The following NUDCD3 variants were observed in gnomAD, a reference collection of about 807,000 sequenced individuals.
NUDCD3 encodes NudC domain containing 3, also known as nudC domain-containing protein 3.
In NUDCD3, 13 loss-of-function variants were observed where a neutral mutation model predicts 39.7. The ratio of observed to expected loss-of-function variants is 0.33; its 90% CI spans 0.21 to 0.52. NUDCD3 has a LOEUF of 0.52. NUDCD3 is among the 20% of genes least tolerant of loss of function. NUDCD3 has a pLI of 0.96. For missense variants in NUDCD3, 453 were observed against 458.1 expected (o/e 0.99, Z 0.10); for synonymous variants, 175 against 172.4 (o/e 1.02, Z -0.12).
At chr7:44,409,979 G>A (rs1216830222) in intron 3 of NUDCD3, among the ~76,000 whole-genome samples, 6 of 152,014 alleles carry the variant, frequency 3.9e-5, no homozygotes, top group Admixed American at 2.6e-4. Context: ...GGTCAATTGA[G>A]ATTACCCAAA....
intron 4 of NUDCD3, among the ~76,000 whole-genome samples, chr7:44,396,548 A>G (rs1045985711): frequency 6.6e-6 from 1 of 151,948 alleles, no homozygotes; most frequent in Admixed American, 6.6e-5. Flanking sequence ...TCTCACTCTG[A>G]GCTGCAGATC....
At chr7:44,467,376 C>T (rs756774434) in intron 2 of NUDCD3, among the ~76,000 whole-genome samples, 4 of 152,150 alleles carry the variant, frequency 2.6e-5, no homozygotes, top group Non-Finnish European at 5.9e-5. Context: ...TAGTGGGTGG[C>T]CAGAAAGAAG....
chr7:44,469,613 T>C (rs1326898188), intron 2 of NUDCD3, among the ~76,000 whole-genome samples: 1 of 152,152 alleles, frequency 6.6e-6, no homozygotes, highest in Non-Finnish European at 1.5e-5. Flanking sequence ...AGGAACACAG[T>C]AACTCCACAG....
chr7:44,459,017 C>A (rs1799955908), intron 2 of NUDCD3, among the ~76,000 whole-genome samples: 3 of 146,364 alleles, frequency 2.0e-5, no homozygotes, highest in Admixed American at 1.4e-4. Flanking sequence ...TGTGTATGAG[C>A]CTGGAGAAAG....
At chr7:44,414,154 G>T (rs1798979456) in intron 3 of NUDCD3, among the ~76,000 whole-genome samples, 1 of 152,030 alleles carries the variant, frequency 6.6e-6, no homozygotes. Context: ...GTTTATTAAA[G>T]GGCATTGTTT....
intron 2 of NUDCD3, among the ~76,000 whole-genome samples, chr7:44,470,771 T>C (rs950762912): frequency 3.9e-5 from 6 of 152,258 alleles, no homozygotes; most frequent in African/African-American, 1.4e-4. Flanking sequence ...CTCAGGACTC[T>C]ACTAGCAAGT....
intron 2 of NUDCD3, among the ~76,000 whole-genome samples, chr7:44,466,107 C>T (rs1043642696): frequency 6.6e-6 from 1 of 152,100 alleles, no homozygotes; most frequent in Non-Finnish European, 1.5e-5. Flanking sequence ...CAGGAGCCAG[C>T]ACTGCACCAA....
chr7:44,388,168 A>G (rs1188828804), intron 5 of NUDCD3, among the ~76,000 whole-genome samples: 1 of 152,276 alleles, frequency 6.6e-6, no homozygotes. Flanking sequence ...ACAATTTGAA[A>G]TCTTGGCAAA....
chr7:44,386,071 G>A lies in NUDCD3; in HGVS notation c.1026C>T (p.Phe342=), dbSNP rs762074934. 3 of 1,613,742 alleles carry A rather than the reference G, an allele frequency of 1.9e-6. No homozygotes were observed. The South Asian group carries it at 3.3e-5, about 18-fold the overall frequency. Residue 342 remains phenylalanine, a synonymous_variant, in exon 6 of 6, where the codon TTC becomes TTT. Transcript: ENST00000355451. ...KKGWDAEGSP[F]RGQRFDPAMF... is the part of the protein sequence containing the mutation. Reference sequence around the variant, plus strand: ...TGGCAGGGTCGAATCGCTGGCCTCGGAAGGGAGAACCTTCAGCATCCCACC... The same window carrying A: ...TGGCAGGGTCGAATCGCTGGCCTCGAAAGGGAGAACCTTCAGCATCCCACC...
chr7:44,439,059 G>A (rs918583706), intron 2 of NUDCD3, among the ~76,000 whole-genome samples: 2 of 152,186 alleles, frequency 1.3e-5, no homozygotes, highest in African/African-American at 4.8e-5. Flanking sequence ...GCATGAGGAT[G>A]ACTAACTCAA....
At chr7:44,441,190 G>A (rs1297301341) in intron 2 of NUDCD3, among the ~76,000 whole-genome samples, 1 of 152,186 alleles carries the variant, frequency 6.6e-6, no homozygotes, top group Non-Finnish European at 1.5e-5. Context: ...GGGCGAAAAT[G>A]TTAGTGGTCT....
In NUDCD3 at chr7:44,386,136, T is replaced by G. The variant is rs1798397840; in HGVS notation, c.976-15A>C. 1.2e-6 allele frequency: 2 copies of G among 1,613,520 alleles called. No homozygotes were observed. The highest frequency in any genetic ancestry group is 1.7e-6 in the Non-Finnish European group (2 of 1,179,686). Reference sequence around the variant, plus strand: ...TCATGGACTTTCTACAAACAGAAAATAGAGAGATTAAAGGGGATCACAACG... The same window carrying G: ...TCATGGACTTTCTACAAACAGAAAAGAGAGAGATTAAAGGGGATCACAACG... On this transcript the variant is annotated splice_polypyrimidine_tract_variant and intron_variant, in intron 5 of 5. Coordinates refer to ENST00000355451, the MANE Select transcript of NUDCD3 (RefSeq NM_015332.4).
intron 2 of NUDCD3, among the ~76,000 whole-genome samples, chr7:44,482,822 C>G (rs1800518404): frequency 6.6e-6 from 1 of 151,940 alleles, no homozygotes; most frequent in Non-Finnish European, 1.5e-5. Context: ...ATGGAATTAG[C>G]AGATAAAGAC....
intron 2 of NUDCD3, among the ~76,000 whole-genome samples, chr7:44,430,345 G>C (rs1799332948): frequency 6.6e-6 from 1 of 152,086 alleles, no homozygotes; most frequent in Non-Finnish European, 1.5e-5. Context: ...GTTTCCACAG[G>C]ATCCTTCTAG....
At chr7:44,393,817 G>T (rs577761120) in intron 4 of NUDCD3, among the ~76,000 whole-genome samples, 2 of 152,178 alleles carry the variant, frequency 1.3e-5, no homozygotes, top group South Asian at 4.2e-4. Flanking sequence ...GACCAGGTGG[G>T]CAAAACCTAC....
chr7:44,490,448 C>A lies in NUDCD3; in HGVS notation c.153G>T (p.Met51Ile). Residue 51 changes from methionine to isoleucine, a missense_variant, in exon 1 of 6, where the codon ATG becomes ATT. Met to Ile is a conservative substitution (Grantham distance 10). Coordinates refer to ENST00000355451, the MANE Select transcript of NUDCD3 (RefSeq NM_015332.4). Reference protein sequence around the residue: ...YRLLRHPSDRMGFPPGAAQAL... With the variant: ...YRLLRHPSDRIGFPPGAAQAL... Reference sequence around the variant, plus strand: ...CCTGCGCGGCCCCGGGCGGGAAGCCCATGCGGTCCGATGGGTGGCGCAGCA... The same window carrying A: ...CCTGCGCGGCCCCGGGCGGGAAGCCAATGCGGTCCGATGGGTGGCGCAGCA... 1.3e-6 allele frequency: 2 copies of A among 1,597,358 alleles called. No individual in the cohort carries two copies. The highest frequency in any genetic ancestry group is 4.6e-5 in the East Asian group (2 of 43,882).
At chr7:44,481,788 T>C (rs1208246374) in intron 2 of NUDCD3, among the ~76,000 whole-genome samples, 2 of 152,230 alleles carry the variant, frequency 1.3e-5, no homozygotes, top group Admixed American at 1.3e-4. Flanking sequence ...CGGTAAATCT[T>C]AATCCCAAGA....
chr7:44,401,938 G>A (rs1798735258), intron 4 of NUDCD3, among the ~76,000 whole-genome samples: 1 of 152,198 alleles, frequency 6.6e-6, no homozygotes, highest in South Asian at 2.1e-4. Flanking sequence ...CTCCTGCCTG[G>A]TGGCTGCATC....
chr7:44,391,068 A>T (rs1798505991), intron 5 of NUDCD3, among the ~76,000 whole-genome samples: 1 of 152,210 alleles, frequency 6.6e-6, no homozygotes, highest in Non-Finnish European at 1.5e-5. Context: ...TGTGAAATCA[A>T]ATCAGAGGTC....
Sources: gnomAD v4.1 joint callset for allele counts (sites outside exome capture counted in the v4.1 genomes callset) on GRCh38, gnomAD v4.1.1 for gene constraint, MANE v1.5 for transcripts, NCBI Gene and HGNC (gene_info 2026-07-23, HGNC 2026-07-21) for gene names.